Variants in WDR12 observed in about 807,000 individuals in gnomAD.
WDR12 encodes ribosome biogenesis protein WDR12.
A neutral mutation model predicts 64.3 loss-of-function variants in WDR12; 42 were observed. That is an observed-to-expected ratio of 0.65 (90% confidence interval 0.51 to 0.84). The LOEUF (loss-of-function observed/expected upper bound fraction) is 0.84, where lower values mean the gene tolerates loss of function less well. Ranked by LOEUF, WDR12 falls within the 40% of genes least tolerant of loss-of-function variation. The pLI, the probability that WDR12 is intolerant of heterozygous loss-of-function variation, is 0.00. For synonymous variants in WDR12, 158 were observed against 173.3 expected (o/e 0.91, Z 0.70); for missense variants, 469 against 494.6 (o/e 0.95, Z 0.49).
At position 202,876,886 on chromosome 2, in the gene WDR12, G is replaced by A. The variant is rs865988666; in HGVS notation, c.*3974C>T. ...TTAGAGGCTGCAGTGAGCTATAATC[G>A]GGCCGCTGCACTCTAGCTTGGGCAA... On this transcript the variant is annotated 3_prime_UTR_variant, in exon 13 of 13. Coordinates refer to ENST00000261015, the MANE Select transcript of WDR12 (RefSeq NM_018256.4). 2 of 152,532 alleles carry A rather than the reference G, an allele frequency of 1.3e-5. No individual in the cohort carries two copies. The highest frequency in any genetic ancestry group is 2.9e-5 in the Non-Finnish European group (2 of 68,030). The allele number at this position is 152,532 out of a possible 1,614,324, so 9.4% of individuals were successfully genotyped here.
rs1687846086 is a variant in WDR12, at chr2:202,875,652, T to C, written c.*5208A>G. On this transcript the variant is annotated 3_prime_UTR_variant, in exon 13 of 13. Transcript: ENST00000261015. Reference sequence around the variant, plus strand: ...ATATGCCCACCTCAGCCTCCCAAAATGTTGGGATTACAGGCGTTAGCCACG... The same window carrying C: ...ATATGCCCACCTCAGCCTCCCAAAACGTTGGGATTACAGGCGTTAGCCACG... The C allele has an allele frequency of 6.6e-6, 1 of 152,206 alleles. No individual in the cohort carries two copies. The highest frequency in any genetic ancestry group is 2.1e-4 in the South Asian group (1 of 4,828). 9.4% of individuals were successfully genotyped at this position (152,206 alleles called of 1,614,324 possible).
chr2:202,909,782 A>ATTAT (rs368055241), intron 1 of WDR12, among the ~76,000 whole-genome samples: 1,846 of 150,878 alleles, frequency 0.012, 21 homozygotes, highest in African/African-American at 0.031. Context: ...CAAGAATTTT[A>ATTAT]TTATTTATTT....
intron 5 of WDR12, 79 bp from the exon 6 acceptor site, chr2:202,896,298 TA>T: frequency 7.0e-7 from 1 of 1,431,618 alleles, no homozygotes. Context: ...ACCAAAGAAC[TA>T]AATTTTTTTG....
intron 2 of WDR12, among the ~76,000 whole-genome samples, chr2:202,907,096 G>A (rs1344062883): frequency 1.3e-5 from 2 of 151,960 alleles, no homozygotes; most frequent in African/African-American, 2.4e-5. Flanking sequence ...TTACAGGCAT[G>A]TGCCACCACG....
intron 8 of WDR12, among the ~76,000 whole-genome samples, chr2:202,886,274 T>C (rs1373435882): frequency 6.7e-6 from 1 of 148,706 alleles, no homozygotes; most frequent in Non-Finnish European, 1.5e-5. Context: ...CTGGGCAACA[T>C]GCTGAAACCC....
rs538849069 is a variant in WDR12, at chr2:202,880,696, A to G, written c.*164T>C. On this transcript the variant is annotated 3_prime_UTR_variant, in exon 13 of 13. Transcript: ENST00000261015. ...TTTTATAAACACAACCTATCTTATT[A>G]TAAATACAAAATAAGAAAAAGTGAT... 3.2e-5 allele frequency: 14 copies of G among 443,206 alleles called. No individual in the cohort carries two copies. The highest frequency in any genetic ancestry group is 8.1e-5 in the African/African-American group (4 of 49,600). 27.5% of individuals were successfully genotyped at this position (443,206 alleles called of 1,614,324 possible).
At position 202,894,592 on chromosome 2, in the gene WDR12, A is replaced by T. The variant is rs200920882; in HGVS notation, c.644T>A (p.Ile215Asn). ...CSGSWDKMLK[I>N]WSTVPTDEED... ...AATATTTAATTTACCTGTAGACCAGATCTTTAGCATCTTATCCCAGGAGCC... is the reference window on the plus strand; with the variant it reads ...AATATTTAATTTACCTGTAGACCAGTTCTTTAGCATCTTATCCCAGGAGCC... Residue 215 changes from isoleucine to asparagine, a missense_variant, in exon 7 of 13, where the codon ATC becomes AAC. By Grantham distance (149) the Ile-to-Asn change is moderately radical. Transcript: ENST00000261015. 1.8e-5 allele frequency: 29 copies of T among 1,606,208 alleles called. No individual in the cohort carries two copies. The highest frequency in any genetic ancestry group is 2.4e-5 in the Non-Finnish European group (28 of 1,176,960).
chr2:202,899,605 C>T lies in WDR12; in HGVS notation c.264G>A (p.Lys88=), dbSNP rs1393631365. ...EEVVEIEYVE[K]YTAPQPEQCM... ...ATTGCTCTGGCTGGGGTGCAGTATA[C>T]TTCTCCACGTATTCTATTTCCACAA... Residue 88 remains lysine (K), a synonymous_variant, in exon 4 of 13, where the codon AAG becomes AAA. Coordinates refer to ENST00000261015, the MANE Select transcript of WDR12 (RefSeq NM_018256.4). 1.2e-6 allele frequency: 2 copies of T among 1,614,106 alleles called. No individual in the cohort carries two copies. The highest frequency in any genetic ancestry group is 1.7e-6 in the Non-Finnish European group (2 of 1,179,998).
chr2:202,905,141 T>C (rs925143539), intron 2 of WDR12, among the ~76,000 whole-genome samples: 5 of 152,142 alleles, frequency 3.3e-5, no homozygotes, highest in Admixed American at 6.5e-5. Flanking sequence ...CCAGATAAAA[T>C]GGCGTTTTTC....
chr2:202,904,956 C>T (rs1317472272), intron 2 of WDR12, among the ~76,000 whole-genome samples: 3 of 152,094 alleles, frequency 2.0e-5, no homozygotes, highest in Non-Finnish European at 1.5e-5. Context: ...ATATAAGGAG[C>T]TCAAAAAGCT....
At chr2:202,906,659 T>G (rs1447815152) in intron 2 of WDR12, among the ~76,000 whole-genome samples, 1 of 152,012 alleles carries the variant, frequency 6.6e-6, no homozygotes, top group African/African-American at 2.4e-5. Flanking sequence ...AGGTCAGGAG[T>G]TCGAGACCAG....
intron 1 of WDR12, among the ~76,000 whole-genome samples, chr2:202,909,401 T>A (rs1357638233): frequency 2.6e-5 from 4 of 152,170 alleles, no homozygotes; most frequent in Admixed American, 6.6e-5. Flanking sequence ...AACCATTTTT[T>A]AAAAATCATA....
At chr2:202,893,088 G>T (rs911936623) in intron 7 of WDR12, among the ~76,000 whole-genome samples, 3 of 151,880 alleles carry the variant, frequency 2.0e-5, no homozygotes, top group Non-Finnish European at 4.4e-5. Flanking sequence ...CATGATAAAC[G>T]CACATACATT....
rs181985625 is a variant in WDR12 at position 202,884,959 on chromosome 2, C to T, written c.742-424G>A. Among the ~76,000 whole-genome samples, 15 of 152,306 alleles carry T rather than the reference C, an allele frequency of 9.8e-5. No individual in the cohort carries two copies. In the East Asian group the frequency reaches 1.7e-3, roughly 18 times the overall value. ...GACTGATGGATACAGTTTCTCCCCC[C>T]CTCTTTTCTTCTTGCCTGTAGTTCT... On this transcript the variant is annotated intron_variant, in intron 8 of 12. Coordinates refer to ENST00000261015, the MANE Select transcript of WDR12 (RefSeq NM_018256.4).
chr2:202,887,543 A>C (rs897987307), intron 8 of WDR12, among the ~76,000 whole-genome samples: 2 of 152,182 alleles, frequency 1.3e-5, no homozygotes, highest in African/African-American at 4.8e-5. Context: ...GATGTCATCT[A>C]AAACAAAATG....
At chr2:202,892,482 GA>G in intron 8 of WDR12, 134 bp downstream of exon 8, 3 of 509,868 alleles carry the variant, frequency 5.9e-6, no homozygotes, top group Non-Finnish European at 3.4e-6. Flanking sequence ...CAAGTCTACT[GA>G]AAAAAAGGAT....
chr2:202,882,869 T>C (rs893353960), intron 11 of WDR12, 86 bp from the exon 12 acceptor site: 1 of 1,329,264 alleles, frequency 7.5e-7, no homozygotes, highest in African/African-American at 1.5e-5. Context: ...ATCTGAAAAC[T>C]TTACAGGGTT....
chr2:202,890,933 A>G (rs896529178), intron 8 of WDR12, among the ~76,000 whole-genome samples: 12 of 144,942 alleles, frequency 8.3e-5, no homozygotes, highest in African/African-American at 1.3e-4. Context: ...GTTTGAGGTT[A>G]TAGTGAGCTA....
chr2:202,886,394 G>A (rs1172983063), intron 8 of WDR12, among the ~76,000 whole-genome samples: 1 of 151,972 alleles, frequency 6.6e-6, no homozygotes, highest in African/African-American at 2.4e-5. Context: ...GGACGTGGAG[G>A]TTGCCATTAG....
Sources: gnomAD v4.1 joint callset for allele counts (sites outside exome capture counted in the v4.1 genomes callset) on GRCh38, gnomAD v4.1.1 for gene constraint, MANE v1.5 for transcripts, NCBI Gene and HGNC (gene_info 2026-07-23, HGNC 2026-07-21) for gene names.